The following BIRC6 variants were observed in gnomAD, a reference collection of about 807,000 sequenced individuals.
BIRC6 encodes the protein dual E2 ubiquitin-conjugating enzyme/E3 ubiquitin-protein ligase BIRC6.
In BIRC6, 98 loss-of-function variants were observed where a neutral mutation model predicts 503.3. That is an observed-to-expected ratio of 0.19 (90% CI 0.17 to 0.23). BIRC6 has a LOEUF of 0.23. Ranked by LOEUF, BIRC6 falls within the 10% of genes least tolerant of loss-of-function variation. The pLI is 1.00. For synonymous variants in BIRC6, 2,240 were observed against 2,078.7 expected, an observed-to-expected ratio of 1.08 and a Z score of -2.11; for missense variants, 5,360 against 5,806.0, an observed-to-expected ratio of 0.92 and a Z score of 2.50.
intron 5 of BIRC6, among the ~76,000 whole-genome samples, chr2:32,393,809 C>G (rs1437192556): frequency 6.6e-6 from 1 of 152,200 alleles, no homozygotes; most frequent in Non-Finnish European, 1.5e-5. Flanking sequence ...GTGTAAGCCA[C>G]TGCGCCTGGC....
In BIRC6 at chr2:32,597,781, A is replaced by G. The variant is rs200563438; in HGVS notation, c.13643A>G (p.Asp4548Gly). The G allele has an allele frequency of 6.2e-7, 1 of 1,613,298 alleles. No homozygotes were observed. The highest frequency in any genetic ancestry group is 2.2e-5 in the East Asian group (1 of 44,868). Residue 4548 changes from aspartate (D) to glycine (G), a missense_variant, in exon 69 of 74, where the codon GAT becomes GGT. Coordinates refer to ENST00000421745, the MANE Select transcript of BIRC6 (RefSeq NM_016252.4). ...TTTGAAATGGTTTCTGAAGATGAAG[A>G]TGGGAAATTGGGATTTAAAGTAAAT... ...DTFEMVSEDE[D>G]GKLGFKVNYH...
intron 12 of BIRC6, among the ~76,000 whole-genome samples, chr2:32,432,440 T>C (rs2044231429): frequency 6.6e-6 from 1 of 151,546 alleles, no homozygotes; most frequent in South Asian, 2.1e-4. Context: ...GAGGTAGAGG[T>C]ACCTGGGAGC....
At chr2:32,416,430 G>T (rs2042379529) in intron 10 of BIRC6, among the ~76,000 whole-genome samples, 1 of 151,654 alleles carries the variant, frequency 6.6e-6, no homozygotes, top group Admixed American at 6.6e-5. Context: ...TTTTATTTCA[G>T]TGAGTCCCTG....
chr2:32,427,598 A>T (rs1174415482), intron 10 of BIRC6, among the ~76,000 whole-genome samples: 9 of 152,052 alleles, frequency 5.9e-5, no homozygotes, highest in East Asian at 1.9e-4. Flanking sequence ...TAATTTTTTT[A>T]AAAATATTTT....
At chr2:32,514,632 CAT>C (rs2054818443) in intron 54 of BIRC6, among the ~76,000 whole-genome samples, 1 of 152,152 alleles carries the variant, frequency 6.6e-6, no homozygotes, top group Non-Finnish European at 1.5e-5. Context: ...AGCCATTTGT[CAT>C]GTGGAATTTA....
chr2:32,564,531 A>G (rs189655701), intron 65 of BIRC6: 19 of 152,338 alleles, frequency 1.2e-4, no homozygotes, highest in African/African-American at 3.4e-4. Flanking sequence ...TAAAATTACA[A>G]TAATCTTACT....
chr2:32,468,655 C>T lies in BIRC6; in HGVS notation c.5999C>T (p.Ala2000Val), dbSNP rs1349775478. Residue 2000 changes from alanine to valine, a missense_variant, in exon 29 of 74, where the codon GCA becomes GTA. Physicochemically the swap from Ala to Val is moderately conservative, Grantham distance 64 (BLOSUM62 0). This residue lies in a region of BIRC6 where 2,299 missense variants were observed against 2,267.2 expected (regional missense o/e 1.01). Transcript: ENST00000421745. ...AVQRLKVALG[A>V]SRKMLSETSN... ...CAGAGGCTCAAAGTGGCGCTAGGTG[C>T]AAGCCGGAAGATGTTGAGTGAAACA... 8.1e-6 allele frequency: 13 copies of T among 1,613,844 alleles called. No individual in the cohort carries two copies. Among genetic ancestry groups the T allele is most frequent in the Non-Finnish European group, 1.0e-5 (12 of 1,179,870 alleles).
At chr2:32,363,640 A>G (rs1310317924) in intron 1 of BIRC6, among the ~76,000 whole-genome samples, 1 of 152,164 alleles carries the variant, frequency 6.6e-6, no homozygotes, top group Non-Finnish European at 1.5e-5. Context: ...TGGAGAGAGC[A>G]TGCGCTTTAT....
chr2:32,590,439 G>A (rs961074275), intron 66 of BIRC6, among the ~76,000 whole-genome samples: 1 of 152,200 alleles, frequency 6.6e-6, no homozygotes, highest in Non-Finnish European at 1.5e-5. Flanking sequence ...AGTGCAAAGG[G>A]TTAAAGGGGT....
intron 55 of BIRC6, among the ~76,000 whole-genome samples, chr2:32,517,759 A>G (rs939606433): frequency 2.4e-4 from 6 of 24,934 alleles, no homozygotes; most frequent in Non-Finnish European, 3.6e-4. Context: ...TGGTTGGGGG[A>G]GTGGGTAGAG....
intron 72 of BIRC6, among the ~76,000 whole-genome samples, 156 bp downstream of exon 72, chr2:32,607,799 G>A (rs752524026): frequency 1.3e-4 from 20 of 151,410 alleles, no homozygotes; most frequent in Admixed American, 4.6e-4. Flanking sequence ...CCAATATGGC[G>A]AAACCGCATT....
intron 41 of BIRC6, among the ~76,000 whole-genome samples, 194 bp from the exon 42 acceptor site, chr2:32,488,394 T>C (rs1214387018): frequency 2.0e-5 from 3 of 152,236 alleles, no homozygotes; most frequent in Non-Finnish European, 4.4e-5. Flanking sequence ...AAATTTTGTT[T>C]CTTCAAGAAT....
chr2:32,610,666 GTCT>G (rs1364446222), intron 72 of BIRC6, among the ~76,000 whole-genome samples: 5 of 152,158 alleles, frequency 3.3e-5, no homozygotes, highest in African/African-American at 1.2e-4. Context: ...TATCATATGT[GTCT>G]TGTGGTCTCT....
chr2:32,482,647 C>CT, intron 39 of BIRC6, 65 bp downstream of exon 39: 1 of 1,559,030 alleles, frequency 6.4e-7, no homozygotes, highest in Non-Finnish European at 8.7e-7. Context: ...TTTATGTATA[C>CT]TTTGTCCCTT....
In BIRC6 at chr2:32,515,324, C is replaced by G. The variant is rs750665107; in HGVS notation, c.10903C>G (p.Leu3635Val). 3 of 1,613,902 alleles carry G rather than the reference C, an allele frequency of 1.9e-6. No homozygotes were observed. Among genetic ancestry groups the G allele is most frequent in the South Asian group, 2.2e-5 (2 of 91,088 alleles). ...QLLDSGLPSL[L>V]VRSLASFCFS... is the part of the protein sequence containing the mutation. The stretch of plus-strand genomic sequence containing the variant: ...ACTAGACTCAGGTTTGCCTTCTCTT[C>G]TTGTGAGGAGTCTGGCTAGTTTCTG... The change falls in exon 55 of 74, where the codon CTT becomes GTT. Residue 3635 changes from leucine (L) to valine (V), a missense_variant. By Grantham distance (32) the Leu-to-Val change is conservative. Coordinates refer to ENST00000421745, the MANE Select transcript of BIRC6 (RefSeq NM_016252.4).
At chr2:32,473,038 GT>G in intron 32 of BIRC6, 73 bp from the exon 33 acceptor site, 6 of 1,324,200 alleles carry the variant, frequency 4.5e-6, no homozygotes, top group Non-Finnish European at 6.1e-6. Context: ...TGTGTTTTTT[GT>G]TTTCTGGGTA....
intron 53 of BIRC6, among the ~76,000 whole-genome samples, chr2:32,512,217 T>G (rs1163875076): frequency 1.3e-5 from 2 of 152,216 alleles, no homozygotes; most frequent in Admixed American, 6.5e-5. Flanking sequence ...TTATATACCT[T>G]CCTATCCCTG....
intron 55 of BIRC6, among the ~76,000 whole-genome samples, chr2:32,517,400 T>C (rs932755150): frequency 6.6e-6 from 1 of 152,168 alleles, no homozygotes; most frequent in East Asian, 1.9e-4. Flanking sequence ...CCTGTAGTAA[T>C]TAATTACTGG....
In BIRC6 at chr2:32,357,556, C is replaced by A; in HGVS notation, c.325+70C>A. On this transcript the variant is annotated intron_variant, in intron 1 of 73. Coordinates refer to ENST00000421745, the MANE Select transcript of BIRC6 (RefSeq NM_016252.4). This position sits in a 1 kb window ranked among gnomAD's most constrained non-coding sequence, Gnocchi z 4.9. ...GCCGTCCAGCCCCGGGGCTCGGCCT[C>A]GCGACTCGGGGAAGCGAGATGGCGA... The A allele has an allele frequency of 6.7e-7, 1 of 1,503,456 alleles. No individual in the cohort carries two copies. 93.1% of individuals were successfully genotyped at this position (1,503,456 alleles called of 1,614,324 possible).
Sources: gnomAD v4.1 joint callset for allele counts (sites outside exome capture counted in the v4.1 genomes callset) on GRCh38, gnomAD v4.1.1 for gene constraint, gnomAD v4.1.1 regional missense constraint, Gnocchi (gnomAD v3.1) non-coding constraint, MANE v1.5 for transcripts, NCBI Gene and HGNC (gene_info 2026-07-23, HGNC 2026-07-21) for gene names.